Variants in EP300 observed in about 807,000 individuals in gnomAD.
EP300 encodes EP300 lysine acetyltransferase.
A neutral mutation model predicts 264.0 loss-of-function variants in EP300; 31 were observed. That is an observed-to-expected ratio of 0.12 (90% CI 0.09 to 0.16). The LOEUF is 0.16. Ranked by LOEUF, EP300 falls within the 10% of genes least tolerant of loss-of-function variation. The pLI is 1.00. For missense variants in EP300, 2,766 were observed against 3,052.9 expected (o/e 0.91, Z 2.21); for synonymous variants, 1,340 against 1,045.4 (o/e 1.28, Z -5.44).
intron 9 of EP300, among the ~76,000 whole-genome samples, chr22:41,140,767 A>G (rs570858770): frequency 3.0e-4 from 46 of 152,272 alleles, no homozygotes; most frequent in Admixed American, 1.9e-3. Context: ...TGCTGGTGAC[A>G]GAGGGAGACC....
At chr22:41,156,971 T>C (rs962969167) in intron 17 of EP300, among the ~76,000 whole-genome samples, 198 bp from the exon 18 acceptor site, 1 of 152,230 alleles carries the variant, frequency 6.6e-6, no homozygotes, top group Non-Finnish European at 1.5e-5. Context: ...TAGTTCTGTT[T>C]CTCTGCCCTT....
intron 2 of EP300, among the ~76,000 whole-genome samples, chr22:41,119,776 A>G (rs967506271): frequency 4.6e-5 from 7 of 152,098 alleles, no homozygotes; most frequent in African/African-American, 1.7e-4. Flanking sequence ...GAGAAGGAGG[A>G]ATTCAAATTT....
intron 6 of EP300, among the ~76,000 whole-genome samples, chr22:41,133,404 A>G (rs549532173): frequency 2.6e-5 from 4 of 150,986 alleles, no homozygotes; most frequent in Non-Finnish European, 4.4e-5. Flanking sequence ...GCCTGCCTCA[A>G]CCTCCCAAAG....
At chr22:41,131,862 A>C (rs1310294220) in intron 6 of EP300, among the ~76,000 whole-genome samples, 1 of 152,118 alleles carries the variant, frequency 6.6e-6, no homozygotes, top group Admixed American at 6.6e-5. Context: ...GATTTGCAGA[A>C]ATGAGATCCC....
intron 10 of EP300, 57 bp downstream of exon 10, chr22:41,141,279 A>G: frequency 6.5e-7 from 1 of 1,547,642 alleles, no homozygotes; most frequent in South Asian, 1.1e-5. Flanking sequence ...AATAGTTTCT[A>G]TCTAAAGTCA....
intron 8 of EP300, 58 bp downstream of exon 8, chr22:41,137,848 C>G: frequency 6.2e-7 from 1 of 1,611,672 alleles, no homozygotes; most frequent in Non-Finnish European, 8.5e-7. Flanking sequence ...AACATGTTTT[C>G]AATCTCCTGG....
chr22:41,169,437 G>A (rs2059157659), intron 25 of EP300, 66 bp from the exon 26 acceptor site: 1 of 940,380 alleles, frequency 1.1e-6, no homozygotes, highest in Non-Finnish European at 1.7e-6. Context: ...TTAGGCACAT[G>A]GAGTAAAGAA....
chr22:41,177,645 G>A lies in EP300; in HGVS notation c.5934G>A (p.Gly1978=), dbSNP rs762125885. ...CTCCCATGACCAGAGGTCCCAGTGG[G>A]CATTTGGAGCCAGGGATGGGACCGA... The part of the protein sequence containing the change: ...NPPPMTRGPS[G]HLEPGMGPTG... Residue 1978 remains glycine (G), a synonymous_variant, in exon 31 of 31, where the codon GGG becomes GGA. Coordinates refer to ENST00000263253, the MANE Select transcript of EP300 (RefSeq NM_001429.4). 48 of 1,613,928 alleles carry A rather than the reference G, an allele frequency of 3.0e-5. No homozygotes were observed. Among genetic ancestry groups the A allele is most frequent in the South Asian group, 7.7e-5 (7 of 91,078 alleles).
intron 7 of EP300, 79 bp downstream of exon 7, chr22:41,135,985 T>G: frequency 8.8e-7 from 1 of 1,134,978 alleles, no homozygotes; most frequent in Non-Finnish European, 1.3e-6. Flanking sequence ...ACTTTTGAAC[T>G]TAGTTTCCTC....
chr22:41,125,829 T>G lies in EP300; in HGVS notation c.730-35T>G, dbSNP rs766977558. On this transcript the variant is annotated intron_variant, in intron 2 of 30. Coordinates refer to ENST00000263253, the MANE Select transcript of EP300 (RefSeq NM_001429.4). ...GGAATAATAATGTCTTAAATTTTAT[T>G]GCTTATTTTGTTTTCTTTTGTTTCT... is the stretch of plus-strand genomic sequence containing the variant. The G allele has an allele frequency of 3.8e-6, 6 of 1,597,964 alleles. No homozygotes were observed. In the African/African-American group the frequency reaches 8.1e-5, roughly 22 times the overall value.
chr22:41,141,559 TAA>T (rs1239411683), intron 10 of EP300, among the ~76,000 whole-genome samples: 1 of 152,170 alleles, frequency 6.6e-6, no homozygotes, highest in African/African-American at 2.4e-5. Flanking sequence ...AAGTAGCCAG[TAA>T]ATGTTTGTAG....
At chr22:41,115,696 G>A (rs2058817050) in intron 1 of EP300, among the ~76,000 whole-genome samples, 1 of 152,200 alleles carries the variant, frequency 6.6e-6, no homozygotes, top group Admixed American at 6.5e-5. Flanking sequence ...ACAGGTGTGA[G>A]CTACCAGGGC....
At chr22:41,175,389 G>A (rs2059194682) in intron 29 of EP300, among the ~76,000 whole-genome samples, 1 of 152,152 alleles carries the variant, frequency 6.6e-6, no homozygotes, top group African/African-American at 2.4e-5. Context: ...ACTTTAATAG[G>A]TGTTTATAGT....
At chr22:41,101,820 G>A (rs957702520) in intron 1 of EP300, among the ~76,000 whole-genome samples, 3 of 152,036 alleles carry the variant, frequency 2.0e-5, no homozygotes, top group Admixed American at 2.0e-4. Context: ...GCAGATGTGA[G>A]CCACTATGCC....
At chr22:41,157,540 T>C (rs2059084110) in intron 18 of EP300, 132 bp downstream of exon 18, 3 of 1,120,952 alleles carry the variant, frequency 2.7e-6, no homozygotes, top group African/African-American at 1.6e-5. Flanking sequence ...TTTTTCCTTT[T>C]TGACAGGGTC....
At chr22:41,174,059 G>A (rs775955462) in intron 29 of EP300, among the ~76,000 whole-genome samples, 2 of 152,100 alleles carry the variant, frequency 1.3e-5, no homozygotes, top group Non-Finnish European at 2.9e-5. Flanking sequence ...GCAGTGAGCC[G>A]AGGTCACTCC....
At chr22:41,103,786 G>T (rs540889479) in intron 1 of EP300, among the ~76,000 whole-genome samples, 2 of 152,252 alleles carry the variant, frequency 1.3e-5, no homozygotes, top group Admixed American at 1.3e-4. Flanking sequence ...TATGAGCAGG[G>T]GAGTGACATG....
intron 6 of EP300, among the ~76,000 whole-genome samples, chr22:41,134,918 T>TTTCTTTC (rs2145719705): frequency 7.3e-6 from 1 of 137,104 alleles, no homozygotes; most frequent in African/African-American, 3.5e-5. Flanking sequence ...TTCTTTCTTT[T>TTTCTTTC]TCTTTTTGAG....
chr22:41,140,169 C>T lies in EP300; in HGVS notation c.1790C>T (p.Pro597Leu). The change falls in exon 9 of 31, where the codon CCT (proline) becomes CTT (leucine). Residue 597 changes from proline to leucine, a missense_variant. By Grantham distance (98) the Pro-to-Leu change is moderately conservative. Transcript: ENST00000263253. ...LVQAIFPTPD[P>L]AALKDRRMEN... ...CAAGCCATATTTCCTACGCCGGATC[C>T]TGCTGCTTTAAAAGACAGACGGATG... 1 of 1,614,122 alleles carries T rather than the reference C, an allele frequency of 6.2e-7. No homozygotes were observed. Among genetic ancestry groups the T allele is most frequent in the South Asian group, 1.1e-5 (1 of 91,084 alleles).
Sources: allele counts gnomAD v4.1 joint callset (sites outside exome capture counted in the v4.1 genomes callset), GRCh38; gene constraint gnomAD v4.1.1; transcripts MANE v1.5; gene names NCBI Gene and HGNC (gene_info 2026-07-23, HGNC 2026-07-21).